STAU1: variants seen among roughly 807,000 people sequenced by gnomAD.
The protein encoded by STAU1 is double-stranded RNA-binding protein Staufen homolog 1.
A neutral mutation model predicts 62.9 loss-of-function variants in STAU1; 13 were observed. The observed-to-expected ratio is 0.21, with a 90% CI of 0.13 to 0.33. The LOEUF (loss-of-function observed/expected upper bound fraction) is 0.33, where lower values mean the gene tolerates loss of function less well. Among genes scored for constraint, STAU1 ranks in the 10% least tolerant of loss-of-function variants. The pLI is 1.00. For synonymous variants in STAU1, 269 were observed against 265.1 expected (o/e 1.01, Z -0.14); for missense variants, 571 against 712.1 (o/e 0.80, Z 2.25).
At chr20:49,163,122 G>A (rs1191433368) in intron 3 of STAU1, among the ~76,000 whole-genome samples, 4 of 151,878 alleles carry the variant, frequency 2.6e-5, no homozygotes, top group Non-Finnish European at 4.4e-5. Flanking sequence ...AACCCGGGAG[G>A]AGGAAGTTGC....
chr20:49,152,384 C>T (rs1358465067), intron 4 of STAU1, among the ~76,000 whole-genome samples: 1 of 113,326 alleles, frequency 8.8e-6, no homozygotes, highest in Non-Finnish European at 1.7e-5. Context: ...TCTCTTGTTG[C>T]CCAGGCTGGA....
intron 3 of STAU1, among the ~76,000 whole-genome samples, chr20:49,160,497 C>T (rs777428144): frequency 2.0e-5 from 3 of 152,112 alleles, no homozygotes; most frequent in Non-Finnish European, 4.4e-5. Context: ...ATCTCCGTGT[C>T]CTTAGATGGT....
the STAU1 span, among the ~76,000 whole-genome samples, chr20:49,213,913 CAGA>C: frequency 6.6e-6 from 1 of 152,228 alleles, no homozygotes; most frequent in African/African-American, 2.4e-5. Context: ...ATGCTTGAAT[CAGA>C]AGATTTGGGG....
chr20:49,130,380 T>C (rs2092724551), intron 6 of STAU1, among the ~76,000 whole-genome samples: 1 of 152,306 alleles, frequency 6.6e-6, no homozygotes, highest in Non-Finnish European at 1.5e-5. Context: ...ACTATGGTGC[T>C]GGTTACAGAA....
intron 4 of STAU1, among the ~76,000 whole-genome samples, chr20:49,152,195 T>C (rs1484718262): frequency 6.6e-6 from 1 of 152,160 alleles, no homozygotes; most frequent in Non-Finnish European, 1.5e-5. Flanking sequence ...GTAGCCTACC[T>C]AGCAGAACCC....
At chr20:49,160,092 TC>T (rs1228801537) in intron 3 of STAU1, among the ~76,000 whole-genome samples, 1 of 152,204 alleles carries the variant, frequency 6.6e-6, no homozygotes. Context: ...CATTTAATTC[TC>T]ACAATAAACC....
intron 1 of STAU1, among the ~76,000 whole-genome samples, chr20:49,180,220 A>T (rs1386196857): frequency 1.3e-5 from 2 of 152,244 alleles, no homozygotes; most frequent in Non-Finnish European, 2.9e-5. Context: ...TATCCTATAA[A>T]GTTAATTGGA....
chr20:49,122,655 C>T (rs546383278), intron 8 of STAU1, among the ~76,000 whole-genome samples: 2 of 152,258 alleles, frequency 1.3e-5, no homozygotes, highest in African/African-American at 2.4e-5. Flanking sequence ...AGGTGGCTCA[C>T]GCCTGTAATC....
intron 6 of STAU1, among the ~76,000 whole-genome samples, chr20:49,125,198 CAAAAA>C (rs1171534142): frequency 0.052 from 1,747 of 33,766 alleles, 31 homozygotes; most frequent in African/African-American, 0.14. Context: ...CTCATTTTTG[CAAAAA>C]AAAAAAAAAA....
chr20:49,164,709 G>C (rs1368454734), intron 3 of STAU1, among the ~76,000 whole-genome samples: 1 of 152,092 alleles, frequency 6.6e-6, no homozygotes, highest in Non-Finnish European at 1.5e-5. Context: ...TGATGCTGCA[G>C]TGAACCATAA....
the STAU1 span, among the ~76,000 whole-genome samples, chr20:49,205,706 CTT>C: frequency 6.7e-6 from 1 of 148,920 alleles, no homozygotes. Flanking sequence ...GAGTTTTGCT[CTT>C]GTTGCCCAGG....
At chr20:49,189,427 G>C (rs1213036877), upstream of STAU1, among the ~76,000 whole-genome samples, 5 of 151,388 alleles carry the variant, frequency 3.3e-5, no homozygotes, top group East Asian at 9.8e-4. Flanking sequence ...CTGAGGTCAG[G>C]AGTTCGAGAC....
intron 2 of STAU1, among the ~76,000 whole-genome samples, chr20:49,168,310 A>AC (rs1374395317): frequency 6.6e-6 from 1 of 152,020 alleles, no homozygotes; most frequent in Non-Finnish European, 1.5e-5. Flanking sequence ...CAAACTCCTG[A>AC]CCTCAGGTGA....
the STAU1 span, among the ~76,000 whole-genome samples, chr20:49,209,760 G>A: frequency 6.6e-6 from 1 of 151,004 alleles, no homozygotes; most frequent in African/African-American, 2.4e-5. Flanking sequence ...TATACATAAT[G>A]ATAATTGGCC....
Position 49,137,926 on chromosome 20 carries a change from C to T in STAU1, c.511-1995G>A, listed in dbSNP as rs913615088. Among the ~76,000 whole-genome samples, 7 of 151,636 alleles carry T rather than the reference C, an allele frequency of 4.6e-5. No individual in the cohort carries two copies. The East Asian group carries it at 9.7e-4, about 21-fold the overall frequency. On this transcript the variant is annotated intron_variant, in intron 5 of 13. Transcript: ENST00000371856. ...AACTCCTGACTTCAGGTGATCCGCC[C>T]ACCTTGGCCTCCTGAAGTGCTGGGA...
At chr20:49,141,280 T>C (rs2093001947) in intron 5 of STAU1, among the ~76,000 whole-genome samples, 2 of 152,172 alleles carry the variant, frequency 1.3e-5, no homozygotes. Flanking sequence ...CGTCGGACTG[T>C]TTTTTTCTGT....
In STAU1 at chr20:49,113,381, T is replaced by A. The variant is rs191304743; in HGVS notation, c.*1497A>T. ...ATTGATCAATGGTTTGATATAAAGT[T>A]ATTTCAGATCTTCAGACTTTTGCCC... On this transcript the variant is annotated 3_prime_UTR_variant, in exon 14 of 14. Transcript: ENST00000371856. 4.6e-5 allele frequency: 7 copies of A among 152,782 alleles called. No homozygotes were observed. In the South Asian group the frequency reaches 8.3e-4, roughly 18 times the overall value. 9.5% of individuals were successfully genotyped at this position (152,782 alleles called of 1,614,324 possible).
intron 5 of STAU1, among the ~76,000 whole-genome samples, chr20:49,141,720 C>A (rs2093011789): frequency 6.6e-6 from 1 of 152,134 alleles, no homozygotes; most frequent in African/African-American, 2.4e-5. Context: ...CATGACGAAA[C>A]CCCATCTCTA....
At chr20:49,200,998 C>G in the STAU1 span, among the ~76,000 whole-genome samples, 1 of 131,672 alleles carries the variant, frequency 7.6e-6, no homozygotes, top group South Asian at 2.6e-4. Context: ...GTGATCATGC[C>G]ACTGCACTCT....
Sources: allele counts gnomAD v4.1 joint callset (sites outside exome capture counted in the v4.1 genomes callset), GRCh38; gene constraint gnomAD v4.1.1; transcripts MANE v1.5; gene names NCBI Gene and HGNC (gene_info 2026-07-23, HGNC 2026-07-21).